The following SCP2 variants were observed in gnomAD, a reference collection of about 807,000 sequenced individuals.
SCP2 encodes the protein sterol carrier protein 2.
A neutral mutation model predicts 71.4 loss-of-function variants in SCP2; 48 were observed. The ratio of observed to expected loss-of-function variants is 0.67; its 90% CI spans 0.53 to 0.86. The LOEUF (loss-of-function observed/expected upper bound fraction) is 0.86. Ranked by LOEUF, SCP2 falls within the 40% of genes least tolerant of loss-of-function variation. SCP2 has a pLI of 0.00. For missense variants in SCP2, 560 were observed against 655.6 expected (o/e 0.85, Z 1.59); for synonymous variants, 220 against 218.1 (o/e 1.01, Z -0.08).
intron 5 of SCP2, among the ~76,000 whole-genome samples, chr1:52,960,305 T>C (rs1656223662): frequency 6.6e-6 from 1 of 151,854 alleles, no homozygotes; most frequent in Non-Finnish European, 1.5e-5. Context: ...TTACTTTGGG[T>C]TTAATTTATT....
At chr1:53,038,252 GT>G (rs879321495) in intron 13 of SCP2, among the ~76,000 whole-genome samples, 14,783 of 149,266 alleles carry the variant, frequency 0.099, 1,420 homozygotes, top group African/African-American at 0.22. Context: ...ATATGTGTGT[GT>G]ACACACACAC....
intron 13 of SCP2, among the ~76,000 whole-genome samples, chr1:53,037,088 G>A (rs1663002550): frequency 6.6e-6 from 1 of 152,244 alleles, no homozygotes; most frequent in African/African-American, 2.4e-5. Context: ...AGTGAGGCAA[G>A]ATCATGCTAC....
intron 3 of SCP2, among the ~76,000 whole-genome samples, chr1:52,949,023 T>G (rs1438087654): frequency 6.6e-6 from 1 of 152,044 alleles, no homozygotes; most frequent in African/African-American, 2.4e-5. Flanking sequence ...GATTATATGA[T>G]ATTCTACTCT....
Position 53,048,584 on chromosome 1 carries a change from C to T in SCP2, c.1548+647C>T, listed in dbSNP as rs559043058. ...GTCATAATATGCCTCTCTCTCTTCC[C>T]TGTTAGGCTGTGAGTGTCTCAAAGC... is the stretch of plus-strand genomic sequence containing the variant. On this transcript the variant is annotated intron_variant, in intron 15 of 15. Transcript: ENST00000371514. The T allele has an allele frequency of 3.8e-5, 6 of 159,274 alleles. No homozygotes were observed. The East Asian group carries it at 5.3e-4, about 14-fold the overall frequency. The allele number at this position is 159,274 out of a possible 1,614,324, so 9.9% of individuals were successfully genotyped here.
chr1:53,050,460 C>T, intron 15 of SCP2, 149 bp from the exon 16 acceptor site: 1 of 616,394 alleles, frequency 1.6e-6, no homozygotes, highest in Non-Finnish European at 2.9e-6. Flanking sequence ...AATGTGGTTC[C>T]AAATCTATTC....
chr1:53,017,760 A>G (rs1358895390), intron 12 of SCP2, among the ~76,000 whole-genome samples: 4 of 152,236 alleles, frequency 2.6e-5, no homozygotes, highest in East Asian at 1.9e-4. Context: ...ATGCATGCCT[A>G]TAAATAAAGA....
intron 5 of SCP2, among the ~76,000 whole-genome samples, chr1:52,956,259 C>A (rs140856635): frequency 6.6e-6 from 1 of 151,942 alleles, no homozygotes; most frequent in Non-Finnish European, 1.5e-5. Context: ...AGCCAAGATG[C>A]GCCATTGCAC....
chr1:52,932,976 T>A (rs1215788027), intron 1 of SCP2, among the ~76,000 whole-genome samples: 1 of 152,216 alleles, frequency 6.6e-6, no homozygotes, highest in Non-Finnish European at 1.5e-5. Flanking sequence ...TTAATTAGTA[T>A]TTCATCTTTA....
chr1:53,014,961 A>G lies in SCP2; in HGVS notation c.1153A>G (p.Lys385Glu), dbSNP rs1661229767. The change falls in exon 12 of 16, where the codon AAG becomes GAG. Residue 385 changes from lysine (K) to glutamate (E), a missense_variant. Around this residue, in one of 3 missense-constraint regions of SCP2, gnomAD observed 513 missense variants for 573.1 expected, o/e 0.90. Transcript: ENST00000371514. ...CGGAAAGAGGCAAGTTCCTGGTGCA[A>G]AGGTGGCTCTGCAGCATAATTTAGG... ...EAGKRQVPGA[K>E]VALQHNLGIG... 5.6e-6 allele frequency: 9 copies of G among 1,613,998 alleles called. No individual in the cohort carries two copies. Among genetic ancestry groups the G allele is most frequent in the Non-Finnish European group, 7.6e-6 (9 of 1,179,918 alleles).
chr1:53,012,597 A>G (rs893360391), intron 11 of SCP2, among the ~76,000 whole-genome samples: 2 of 152,218 alleles, frequency 1.3e-5, no homozygotes, highest in African/African-American at 2.4e-5. Context: ...TTATAACAGT[A>G]TGATGAACAG....
chr1:52,940,438 T>C (rs1432780988), intron 1 of SCP2: 1 of 154,582 alleles, frequency 6.5e-6, no homozygotes, highest in Non-Finnish European at 1.5e-5. Context: ...AAAAACACTG[T>C]CTTCAGGATA....
chr1:53,050,426 C>A (rs981586114), intron 15 of SCP2, 183 bp from the exon 16 acceptor site: 1 of 548,120 alleles, frequency 1.8e-6, no homozygotes, highest in Non-Finnish European at 3.3e-6. Context: ...AAAGTGTGGC[C>A]TTTACAAATT....
intron 11 of SCP2, among the ~76,000 whole-genome samples, chr1:52,996,615 A>C (rs1659952982): frequency 6.6e-6 from 1 of 151,796 alleles, no homozygotes; most frequent in Non-Finnish European, 1.5e-5. Context: ...GGTCTGCCCC[A>C]CTCTGTCAAG....
intron 12 of SCP2, among the ~76,000 whole-genome samples, chr1:53,024,577 CT>C (rs551484573): frequency 3.9e-4 from 46 of 118,958 alleles, no homozygotes; most frequent in Admixed American, 5.2e-4. Flanking sequence ...CTTTTTTTTT[CT>C]TTTTTTTTTT....
rs960959799 is a variant in SCP2 at position 53,000,600 on chromosome 1, G to A, written c.1081+12464G>A. Among the ~76,000 whole-genome samples the A allele has an allele frequency of 3.1e-4, 47 of 152,238 alleles. 1 individual carries two copies. Among genetic ancestry groups the A allele is most frequent in the African/African-American group, 1.0e-3 (42 of 41,570 alleles). ...TGCACCCACCTCATCATTAGGTACT[G>A]TAGGGCTGTGAAATACGAGGTCTAC... On this transcript the variant is annotated intron_variant, in intron 11 of 15. Coordinates refer to ENST00000371514, the MANE Select transcript of SCP2 (RefSeq NM_002979.5).
rs145347273 is a variant in SCP2 at position 53,002,970 on chromosome 1, G to C, written c.1082-11920G>C. On this transcript the variant is annotated intron_variant, in intron 11 of 15. Transcript: ENST00000371514. The stretch of plus-strand genomic sequence containing the variant: ...AAACTCTTAAAAAGCCAGCAAGTCA[G>C]TAAGAGCTAATTAGCTTTTCACCAA... 3.0e-3 allele frequency among the ~76,000 whole-genome samples: 451 copies of C among 152,342 alleles called. 2 individuals carry two copies. The highest frequency in any genetic ancestry group is 5.5e-3 in the Non-Finnish European group (373 of 68,040).
intron 11 of SCP2, among the ~76,000 whole-genome samples, chr1:53,006,605 G>A (rs181397282): frequency 2.2e-3 from 330 of 152,300 alleles, no homozygotes; most frequent in Middle Eastern, 0.017. Flanking sequence ...CACCAGGCCT[G>A]CCTTACAAGA....
intron 12 of SCP2, among the ~76,000 whole-genome samples, chr1:53,022,025 T>C (rs751801802): frequency 2.6e-5 from 4 of 152,200 alleles, no homozygotes; most frequent in Non-Finnish European, 5.9e-5. Flanking sequence ...GCATTTTAAG[T>C]GTACGTTCAG....
chr1:52,954,679 A>AAACC, intron 4 of SCP2, 61 bp from the exon 5 acceptor site: 1 of 1,274,382 alleles, frequency 7.8e-7, no homozygotes, highest in Non-Finnish European at 1.1e-6. Flanking sequence ...TGAAGTATTT[A>AAACC]ATGGTATTTT....
Sources: allele counts gnomAD v4.1 joint callset (sites outside exome capture counted in the v4.1 genomes callset), GRCh38; gene constraint gnomAD v4.1.1; regional missense constraint gnomAD v4.1.1; transcripts MANE v1.5; gene names NCBI Gene and HGNC (gene_info 2026-07-23, HGNC 2026-07-21).